Variants in ANKRD55 observed in about 807,000 individuals in gnomAD.
The protein encoded by ANKRD55 is ankyrin repeat domain 55, also known as ankyrin repeat domain-containing protein 55.
In ANKRD55, 41 loss-of-function variants were observed where a neutral mutation model predicts 60.6. That is an observed-to-expected ratio of 0.68 (90% confidence interval 0.53 to 0.88). The LOEUF (loss-of-function observed/expected upper bound fraction) is 0.88. Ranked by LOEUF, ANKRD55 falls within the 40% of genes least tolerant of loss-of-function variation. ANKRD55 has a pLI of 0.00. For missense variants in ANKRD55, 732 were observed against 767.6 expected (o/e 0.95, Z 0.55); for synonymous variants, 264 against 290.3 (o/e 0.91, Z 0.92).
rs160934 is a variant in ANKRD55 at position 56,186,010 on chromosome 5, G to T, written c.59-2376C>A. On this transcript the variant is annotated intron_variant, in intron 2 of 11. Coordinates refer to ENST00000341048, the MANE Select transcript of ANKRD55 (RefSeq NM_024669.3). ...TCAGACTCACTTGCACATTTGCCTG[G>T]GGGCCAGAAGTGAAAGAGGAGGGGT... 3.9e-5 allele frequency among the ~76,000 whole-genome samples: 6 copies of T among 152,182 alleles called. No individual in the cohort carries two copies. The East Asian group carries it at 7.7e-4, about 20-fold the overall frequency.
intron 5 of ANKRD55, among the ~76,000 whole-genome samples, chr5:56,168,202 G>A (rs1758527929): frequency 6.6e-6 from 1 of 152,246 alleles, no homozygotes; most frequent in Non-Finnish European, 1.5e-5. Context: ...AAAGAACTGA[G>A]TGTGGCTTCT....
At chr5:56,149,697 T>C (rs1443403658) in intron 6 of ANKRD55, among the ~76,000 whole-genome samples, 1 of 152,200 alleles carries the variant, frequency 6.6e-6, no homozygotes, top group African/African-American at 2.4e-5. Flanking sequence ...TGGGAGGCTA[T>C]ACAATTATTC....
rs551396808 is a variant in ANKRD55, at chr5:56,148,725, T to C, written c.484-4796A>G. 1.2e-4 allele frequency among the ~76,000 whole-genome samples: 18 copies of C among 152,216 alleles called. No individual in the cohort carries two copies. In the South Asian group the frequency reaches 3.7e-3, roughly 32 times the overall value. On this transcript the variant is annotated intron_variant, in intron 6 of 11. Transcript: ENST00000341048. ...CTGCTTTAGTGCTTAGCAGGTTTCA[T>C]GTTTCAGAACTGTACTTTTAGAGTG...
chr5:56,182,338 C>T (rs964558408), intron 3 of ANKRD55, among the ~76,000 whole-genome samples: 32 of 152,296 alleles, frequency 2.1e-4, no homozygotes, highest in African/African-American at 7.2e-4. Context: ...AAGTTCATTA[C>T]TTCTTTCCTT....
chr5:56,210,667 G>A (rs1272078982), intron 2 of ANKRD55, among the ~76,000 whole-genome samples: 1 of 150,952 alleles, frequency 6.6e-6, no homozygotes, highest in Non-Finnish European at 1.5e-5. Flanking sequence ...TGCCAATTAA[G>A]TTCTCAGTTT....
intron 6 of ANKRD55, among the ~76,000 whole-genome samples, chr5:56,148,875 A>AG (rs1757969487): frequency 6.6e-6 from 1 of 152,038 alleles, no homozygotes; most frequent in African/African-American, 2.4e-5. Context: ...GAATTATAGC[A>AG]GGTGTCTGCT....
chr5:56,173,494 G>C lies in ANKRD55; in HGVS notation c.312+2658C>G, dbSNP rs565463594. 4.7e-5 allele frequency among the ~76,000 whole-genome samples: 7 copies of C among 147,874 alleles called. No homozygotes were observed. The South Asian group carries it at 1.5e-3, about 32-fold the overall frequency. On this transcript the variant is annotated intron_variant, in intron 4 of 11. Coordinates refer to ENST00000341048, the MANE Select transcript of ANKRD55 (RefSeq NM_024669.3). ...ATTACAGGCGTGAGCCACCATGCCC[G>C]GCTCCAATTCTTATATATCAAATAA...
At chr5:56,204,946 T>C (rs1017194813) in intron 2 of ANKRD55, among the ~76,000 whole-genome samples, 2 of 152,102 alleles carry the variant, frequency 1.3e-5, no homozygotes, top group African/African-American at 4.8e-5. Context: ...CTCTGGAAAA[T>C]GAGGAATTGG....
chr5:56,112,569 A>G (rs1056652548), intron 9 of ANKRD55, among the ~76,000 whole-genome samples: 83 of 147,318 alleles, frequency 5.6e-4, no homozygotes, highest in African/African-American at 2.0e-3. Flanking sequence ...AGGGAAGAGG[A>G]GGAGTGCATG....
chr5:56,221,720 T>G (rs1380567940), intron 2 of ANKRD55, among the ~76,000 whole-genome samples: 1 of 152,010 alleles, frequency 6.6e-6, no homozygotes, highest in Non-Finnish European at 1.5e-5. Flanking sequence ...GCTTGGAGGG[T>G]CCCATGCCCA....
At position 56,105,917 on chromosome 5, in the gene ANKRD55, G is replaced by A. The variant is rs114882496; in HGVS notation, c.1631-3331C>T. ...TCTTGTGACGGCTTATAAATAACCA[G>A]GCTAGCAGACAATACCACAGAGCTT... On this transcript the variant is annotated intron_variant, in intron 10 of 11. Transcript: ENST00000341048. Among the ~76,000 whole-genome samples, 648 of 152,268 alleles carry A rather than the reference G, an allele frequency of 4.3e-3. 3 individuals carry two copies. Among genetic ancestry groups the A allele is most frequent in the African/African-American group, 0.014 (598 of 41,532 alleles).
intron 2 of ANKRD55, among the ~76,000 whole-genome samples, chr5:56,206,383 C>A (rs1051769263): frequency 1.3e-5 from 2 of 152,080 alleles, no homozygotes; most frequent in South Asian, 4.2e-4. Flanking sequence ...GGCAGTAGTT[C>A]CCGAATGACT....
At chr5:56,135,633 T>C (rs1214933463) in intron 7 of ANKRD55, among the ~76,000 whole-genome samples, 1 of 152,056 alleles carries the variant, frequency 6.6e-6, no homozygotes, top group African/African-American at 2.4e-5. Flanking sequence ...CCTCCCAAAG[T>C]GCTAGGATTA....
chr5:56,209,226 G>C (rs1384118085), intron 2 of ANKRD55, among the ~76,000 whole-genome samples: 1 of 152,014 alleles, frequency 6.6e-6, no homozygotes, highest in African/African-American at 2.4e-5. Flanking sequence ...CAAAGAGCTG[G>C]GATTACAGGC....
chr5:56,112,201 A>G (rs867154860), intron 9 of ANKRD55, among the ~76,000 whole-genome samples: 18 of 152,142 alleles, frequency 1.2e-4, no homozygotes, highest in Non-Finnish European at 2.4e-4. Context: ...TCAGGCTTCA[A>G]TGAGCAGAAG....
At chr5:56,128,253 CA>C (rs1318312052) in intron 7 of ANKRD55, among the ~76,000 whole-genome samples, 3 of 152,078 alleles carry the variant, frequency 2.0e-5, no homozygotes, top group Non-Finnish European at 4.4e-5. Context: ...GTTCAAAGGC[CA>C]AAACACCCTG....
intron 2 of ANKRD55, among the ~76,000 whole-genome samples, chr5:56,201,168 G>A (rs1440026049): frequency 6.6e-6 from 1 of 152,182 alleles, no homozygotes; most frequent in Non-Finnish European, 1.5e-5. Flanking sequence ...CCCCCTGCGG[G>A]ATTATCCTGA....
rs116416174 is a variant in ANKRD55 at position 56,228,017 on chromosome 5, G to A, written c.58+4839C>T. On this transcript the variant is annotated intron_variant, in intron 2 of 11. Transcript: ENST00000341048. ...ATGAGAATGGATTTTACCAAAAACC[G>A]AGTCACAGTGTTGCGTGCTTTCTGG... Among the ~76,000 whole-genome samples, 1,127 of 152,218 alleles carry A rather than the reference G, an allele frequency of 7.4e-3. 16 individuals carry two copies. The highest frequency in any genetic ancestry group is 0.026 in the African/African-American group (1,070 of 41,522).
intron 2 of ANKRD55, among the ~76,000 whole-genome samples, chr5:56,219,537 A>T (rs1410714943): frequency 6.6e-6 from 1 of 152,240 alleles, no homozygotes; most frequent in African/African-American, 2.4e-5. Flanking sequence ...ATTGAAGGTA[A>T]ATATTAGGGT....
Sources: gnomAD v4.1 joint callset for allele counts (sites outside exome capture counted in the v4.1 genomes callset) on GRCh38, gnomAD v4.1.1 for gene constraint, MANE v1.5 for transcripts, NCBI Gene and HGNC (gene_info 2026-07-23, HGNC 2026-07-21) for gene names.